Variants in GRID2 observed in about 807,000 individuals in gnomAD.
GRID2 encodes glutamate ionotropic receptor delta type subunit 2, also known as glutamate receptor ionotropic, delta-2.
Under a neutral mutation model 114.8 loss-of-function variants are expected in GRID2, and 33 were observed. The ratio of observed to expected loss-of-function variants is 0.29; its 90% CI spans 0.22 to 0.38. GRID2 has a LOEUF of 0.38. Among genes scored for constraint, GRID2 ranks in the 10% least tolerant of loss-of-function variants. GRID2 has a pLI of 1.00. For missense variants in GRID2, 1,184 were observed against 1,257.7 expected (o/e 0.94, Z 0.89); for synonymous variants, 505 against 449.9 (o/e 1.12, Z -1.55).
rs1726730253 is a variant in GRID2, at chr4:92,328,851, A to G, written c.88+24107A>G. On this transcript the variant is annotated intron_variant, in intron 1 of 15. Coordinates refer to ENST00000282020, the MANE Select transcript of GRID2 (RefSeq NM_001510.4). The stretch of plus-strand genomic sequence containing the variant: ...AAGGATTAGTTAATACCTACTGGGA[A>G]GTGTTTTCTCAATATTAATTTCTGT... 2.0e-5 allele frequency among the ~76,000 whole-genome samples: 3 copies of G among 152,044 alleles called. No homozygotes were observed. In the South Asian group the frequency reaches 6.2e-4, roughly 31 times the overall value.
At chr4:93,124,490 A>G (rs376548528) in intron 4 of GRID2, among the ~76,000 whole-genome samples, 30 of 152,318 alleles carry the variant, frequency 2.0e-4, no homozygotes, top group African/African-American at 7.0e-4. Context: ...GACCAAAACC[A>G]TAGATTACCA....
At chr4:93,615,639 C>A (rs60145465) in intron 13 of GRID2, among the ~76,000 whole-genome samples, 8,121 of 117,300 alleles carry the variant, frequency 0.069, 338 homozygotes, top group African/African-American at 0.14. Context: ...GCCTTCACCC[C>A]AAAAAAAAAA....
intron 1 of GRID2, among the ~76,000 whole-genome samples, chr4:92,575,037 C>T (rs1168129134): frequency 6.6e-6 from 1 of 152,088 alleles, no homozygotes; most frequent in Non-Finnish European, 1.5e-5. Context: ...CTATTCTTGT[C>T]TGACTCTCTT....
intron 1 of GRID2, among the ~76,000 whole-genome samples, chr4:92,391,246 G>A (rs2110260512): frequency 6.6e-6 from 1 of 152,146 alleles, no homozygotes; most frequent in African/African-American, 2.4e-5. Context: ...CTGTTTCAAG[G>A]AGGTATGAGC....
chr4:93,706,914 T>C (rs1174819606), intron 14 of GRID2, among the ~76,000 whole-genome samples: 1 of 152,036 alleles, frequency 6.6e-6, no homozygotes, highest in Non-Finnish European at 1.5e-5. Context: ...GGGAGTTTTA[T>C]TATGAAGGAA....
intron 9 of GRID2, among the ~76,000 whole-genome samples, chr4:93,409,480 A>T (rs1266592790): frequency 6.6e-6 from 1 of 152,194 alleles, no homozygotes; most frequent in Non-Finnish European, 1.5e-5. Context: ...TGATTCCTTC[A>T]ATATGCTGAT....
At chr4:92,541,007 G>A (rs1298857749) in intron 1 of GRID2, among the ~76,000 whole-genome samples, 1 of 152,120 alleles carries the variant, frequency 6.6e-6, no homozygotes, top group Non-Finnish European at 1.5e-5. Context: ...CATGGATGAA[G>A]CTGGAAACCA....
chr4:93,124,086 C>T lies in GRID2; in HGVS notation c.735+13133C>T, dbSNP rs568594217. On this transcript the variant is annotated intron_variant, in intron 4 of 15. Coordinates refer to ENST00000282020, the MANE Select transcript of GRID2 (RefSeq NM_001510.4). ...CTAACCTGCACAATGTGCACATGTA[C>T]CCTAAAACTTAAAGTATAATAAAAA... Among the ~76,000 whole-genome samples the T allele has an allele frequency of 3.7e-3, 531 of 144,018 alleles. 1 individual carries two copies. Among genetic ancestry groups the T allele is most frequent in the African/African-American group, 0.012 (460 of 38,136 alleles). 94.5% of individuals were successfully genotyped at this position (144,018 alleles called of 152,430 possible).
intron 2 of GRID2, among the ~76,000 whole-genome samples, chr4:92,805,845 T>A (rs1276004611): frequency 1.3e-5 from 2 of 151,990 alleles, no homozygotes; most frequent in South Asian, 4.2e-4. Flanking sequence ...TTCTCATAGT[T>A]TCTCTATATG....
intron 1 of GRID2, among the ~76,000 whole-genome samples, chr4:92,432,065 G>A (rs547189157): frequency 6.6e-6 from 1 of 152,304 alleles, no homozygotes; most frequent in South Asian, 2.1e-4. Context: ...GGGGAATCTT[G>A]TTCTTTTCCC....
At chr4:92,908,000 G>T (rs1748088938) in intron 2 of GRID2, among the ~76,000 whole-genome samples, 1 of 151,986 alleles carries the variant, frequency 6.6e-6, no homozygotes, top group Admixed American at 6.5e-5. Flanking sequence ...TCCAGCCTGG[G>T]CAACAAGAGG....
chr4:92,989,898 A>G (rs1416881291), intron 2 of GRID2, among the ~76,000 whole-genome samples: 1 of 152,172 alleles, frequency 6.6e-6, no homozygotes, highest in East Asian at 1.9e-4. Flanking sequence ...GAAATATTGT[A>G]AGATTCTAAG....
chr4:93,608,609 A>G (rs1214268109), intron 13 of GRID2, among the ~76,000 whole-genome samples: 2 of 141,302 alleles, frequency 1.4e-5, no homozygotes, highest in African/African-American at 5.3e-5. Flanking sequence ...ATGGTTTCCA[A>G]TTTCATCCAT....
chr4:93,136,849 T>C (rs1223900928), intron 4 of GRID2, among the ~76,000 whole-genome samples: 1 of 152,140 alleles, frequency 6.6e-6, no homozygotes, highest in Non-Finnish European at 1.5e-5. Flanking sequence ...CAGTAGGGTA[T>C]AAAATACTAT....
chr4:92,713,476 CATATATATATATAT>C lies in GRID2; in HGVS notation c.244+123219_244+123232del, dbSNP rs10593127. Among the ~76,000 whole-genome samples, 208 of 54,066 alleles carry C rather than the reference CATATATATATATAT, an allele frequency of 3.8e-3. 2 individuals are homozygous for C. Among genetic ancestry groups the C allele is most frequent in the African/African-American group, 0.013 (184 of 14,178 alleles). 35.5% of individuals were successfully genotyped at this position (54,066 alleles called of 152,430 possible). The stretch of plus-strand genomic sequence containing the variant: ...TTACATATATTTACATATACATATA[CATATATATATATAT>C]ATATATATATATATATATATATATA... On this transcript the variant is annotated intron_variant, in intron 2 of 15. Coordinates refer to ENST00000282020, the MANE Select transcript of GRID2 (RefSeq NM_001510.4).
At chr4:92,373,347 A>G (rs1483550753) in intron 1 of GRID2, among the ~76,000 whole-genome samples, 1 of 152,180 alleles carries the variant, frequency 6.6e-6, no homozygotes, top group Non-Finnish European at 1.5e-5. Context: ...CAGATCCATC[A>G]TAGCAAGGAG....
chr4:92,763,616 G>A (rs1738125608), intron 2 of GRID2, among the ~76,000 whole-genome samples: 1 of 152,190 alleles, frequency 6.6e-6, no homozygotes, highest in Admixed American at 6.5e-5. Flanking sequence ...CCATATAAGT[G>A]ACTTGAGCAC....
chr4:93,055,346 A>G (rs1019093655), intron 2 of GRID2, among the ~76,000 whole-genome samples: 2 of 151,734 alleles, frequency 1.3e-5, no homozygotes, highest in Non-Finnish European at 2.9e-5. Flanking sequence ...ATTATGTTTC[A>G]TTCATAGGTT....
At chr4:93,197,227 C>T (rs1354022834) in intron 4 of GRID2, among the ~76,000 whole-genome samples, 2 of 152,158 alleles carry the variant, frequency 1.3e-5, no homozygotes, top group Non-Finnish European at 2.9e-5. Context: ...TTGAAAACTA[C>T]ATAACAGGTT....
Sources: gnomAD v4.1 joint callset for allele counts (sites outside exome capture counted in the v4.1 genomes callset) on GRCh38, gnomAD v4.1.1 for gene constraint, MANE v1.5 for transcripts, NCBI Gene and HGNC (gene_info 2026-07-23, HGNC 2026-07-21) for gene names.